The following GAS6 variants were observed in gnomAD, a reference collection of about 807,000 sequenced individuals.
The protein encoded by GAS6 is growth arrest specific 6, also known as growth arrest-specific protein 6.
GAS6 carries 41 observed loss-of-function variants against 75.8 expected under a neutral mutation model. The ratio of observed to expected loss-of-function variants is 0.54; its 90% CI spans 0.42 to 0.70. The LOEUF (loss-of-function observed/expected upper bound fraction) is 0.70, where lower values mean the gene tolerates loss of function less well. Ranked by LOEUF, GAS6 falls within the 30% of genes least tolerant of loss-of-function variation. GAS6 has a pLI of 0.00. For synonymous variants in GAS6, 432 were observed against 412.6 expected (o/e 1.05, Z -0.57); for missense variants, 854 against 940.2 (o/e 0.91, Z 1.20).
rs535263699 is a variant in GAS6, at chr13:113,837,990, G to A, written c.589+79C>T. The A allele has an allele frequency of 1.1e-5, 17 of 1,552,036 alleles. No individual in the cohort carries two copies. The highest frequency in any genetic ancestry group is 3.5e-4 in the Middle Eastern group (2 of 5,768). ...CACAGGAACCCAGCCAGCAGCAGCC[G>A]CTTGCAGAAGAGCAGACATGACCGA... On this transcript the variant is annotated intron_variant, in intron 6 of 14. Transcript: ENST00000327773. This position sits in a 1 kb window ranked among gnomAD's most constrained non-coding sequence, Gnocchi z 5.1.
chr13:113,835,754 G>C (rs2051695477), intron 6 of GAS6, 119 bp from the exon 7 acceptor site: 2 of 1,492,010 alleles, frequency 1.3e-6, no homozygotes, highest in African/African-American at 2.8e-5. Context: ...ACTCTGTGGG[G>C]CCAGCGCGCC....
Position 113,863,154 on chromosome 13 carries a change from C to T in GAS6, c.255+421G>A, listed in dbSNP as rs2051986495. ...TGCTGCCGCAAGCAGTTCCCGCCCT[C>T]GGCCCTTTCAATTCCTCTTTCGGGA... is the stretch of plus-strand genomic sequence containing the variant. On this transcript the variant is annotated intron_variant, in intron 2 of 14. Coordinates refer to ENST00000327773, the MANE Select transcript of GAS6 (RefSeq NM_000820.4). The surrounding 1 kb of genome is among the most constrained non-coding windows in gnomAD (Gnocchi z 9.4). Among the ~76,000 whole-genome samples the T allele has an allele frequency of 1.3e-5, 2 of 152,216 alleles. No homozygotes were observed. The highest frequency in any genetic ancestry group is 4.1e-4 in the South Asian group (2 of 4,834).
intron 2 of GAS6, among the ~76,000 whole-genome samples, chr13:113,854,963 C>G (rs1292584060): frequency 6.6e-6 from 1 of 152,222 alleles, no homozygotes; most frequent in Admixed American, 6.5e-5. Context: ...CGTGCCCACC[C>G]CAGCCCCGGT....
At chr13:113,827,572 C>T (rs982722493) in intron 11 of GAS6, among the ~76,000 whole-genome samples, 9 of 149,734 alleles carry the variant, frequency 6.0e-5, no homozygotes, top group African/African-American at 2.3e-4. Flanking sequence ...CGGCACCAGG[C>T]TGTCTGTGGG....
At chr13:113,846,708 C>A (rs923446311) in intron 3 of GAS6, 119 bp from the exon 4 acceptor site, 17 of 782,856 alleles carry the variant, frequency 2.2e-5, no homozygotes, top group Non-Finnish European at 3.5e-5. Context: ...GTGCTATCAT[C>A]CTCCAGAAAC....
At chr13:113,827,217 C>T (rs1041654942) in intron 11 of GAS6, 53 bp from the exon 12 acceptor site, 131 of 1,582,626 alleles carry the variant, frequency 8.3e-5, no homozygotes, top group Non-Finnish European at 1.0e-4. Flanking sequence ...AGCCCCATGC[C>T]GGATGCCCCA....
chr13:113,859,932 T>C (rs9577920), intron 2 of GAS6, among the ~76,000 whole-genome samples: 50,245 of 152,104 alleles, frequency 0.33, 9,677 homozygotes, highest in African/African-American at 0.51. Context: ...AAGTGGCTGT[T>C]CCCAAGTGGG....
At position 113,838,118 on chromosome 13, in the gene GAS6, A is replaced by C; in HGVS notation, c.540T>G (p.Cys180Trp). The C allele has an allele frequency of 6.2e-7, 1 of 1,612,888 alleles. No individual in the cohort carries two copies. Among genetic ancestry groups the C allele is most frequent in the Admixed American group, 1.7e-5 (1 of 60,016 alleles). ...AGAGCTCGAAGCCGCTGTGGCAGGA[A>C]CAGTGGAAGCTACCCGGCTTGTTGT... ...ICHNKPGSFH[C>W]SCHSGFELSS... Residue 180 changes from cysteine to tryptophan, a missense_variant, in exon 6 of 15, where the codon TGT becomes TGG. Coordinates refer to ENST00000327773, the MANE Select transcript of GAS6 (RefSeq NM_000820.4).
chr13:113,840,044 T>C, intron 4 of GAS6, 194 bp from the exon 5 acceptor site: 1 of 696,432 alleles, frequency 1.4e-6, no homozygotes, highest in African/African-American at 1.8e-5. Flanking sequence ...TGGCGGGCCC[T>C]GGGGCCGGCT....
At chr13:113,847,944 T>C in intron 3 of GAS6, 82 bp downstream of exon 3, 3 of 1,255,516 alleles carry the variant, frequency 2.4e-6, no homozygotes, top group Non-Finnish European at 3.5e-6. Context: ...AGTTACGTGG[T>C]GAGGAGATTC....
intron 2 of GAS6, among the ~76,000 whole-genome samples, chr13:113,855,656 G>A (rs183814724): frequency 4.6e-5 from 7 of 152,268 alleles, no homozygotes; most frequent in Admixed American, 6.5e-5. Context: ...CTTCTGCGCC[G>A]GGAGTCACGC....
At chr13:113,836,811 G>A (rs2051719942) in intron 6 of GAS6, among the ~76,000 whole-genome samples, 1 of 30,752 alleles carries the variant, frequency 3.3e-5, no homozygotes, top group South Asian at 1.0e-3. Context: ...GGAGGAAGAT[G>A]AGGAGGAGGA....
At position 113,863,038 on chromosome 13, in the gene GAS6, C is replaced by G. The variant is rs552142733; in HGVS notation, c.255+537G>C. On this transcript the variant is annotated intron_variant, in intron 2 of 14. Transcript: ENST00000327773. The surrounding 1 kb of genome is among the most constrained non-coding windows in gnomAD (Gnocchi z 9.4). ...GGGCTCCTGAAAGCACCCGCTGCCT[C>G]CAGGAGAGCACCTGGCAGAACGGGG... Among the ~76,000 whole-genome samples the G allele has an allele frequency of 3.3e-5, 5 of 152,288 alleles. No individual in the cohort carries two copies. The South Asian group carries it at 6.2e-4, about 19-fold the overall frequency.
chr13:113,855,446 T>C (rs553197727), intron 2 of GAS6, among the ~76,000 whole-genome samples: 1 of 152,260 alleles, frequency 6.6e-6, no homozygotes, highest in East Asian at 1.9e-4. Context: ...ATTGCAAAGT[T>C]CATGTGTGTT....
At chr13:113,847,138 T>G (rs1237672682) in intron 3 of GAS6, 8 of 329,360 alleles carry the variant, frequency 2.4e-5, no homozygotes, top group African/African-American at 1.8e-4. Context: ...CCTCTCGACC[T>G]GGCCCTTCAG....
chr13:113,843,381 G>A lies in GAS6; in HGVS notation c.343+3146C>T, dbSNP rs1017406880. The A allele has an allele frequency of 3.3e-5, 5 of 151,668 alleles. 1 individual carries two copies. Among genetic ancestry groups the A allele is most frequent in the African/African-American group, 1.2e-4 (5 of 40,406 alleles). 9.4% of individuals were successfully genotyped at this position (151,668 alleles called of 1,614,324 possible). A position where few individuals can be genotyped will look rare whatever the true frequency, so the allele number is the denominator to read the frequency against. On this transcript the variant is annotated intron_variant, in intron 4 of 14. Transcript: ENST00000327773. ...GTGCGGGCGGCCAGGGCCTTTCCCTGGGTGGTGACGAGCGAGGACCAGAGC... is the reference window on the plus strand; with the variant it reads ...GTGCGGGCGGCCAGGGCCTTTCCCTAGGTGGTGACGAGCGAGGACCAGAGC...
intron 6 of GAS6, 25 bp from the exon 7 acceptor site, chr13:113,835,660 A>G: frequency 6.2e-7 from 1 of 1,608,340 alleles, no homozygotes; most frequent in Non-Finnish European, 8.5e-7. Context: ...AAACCGGCCA[A>G]CCGCAGCACA....
At chr13:113,852,506 C>A (rs566554443) in intron 2 of GAS6, among the ~76,000 whole-genome samples, 4 of 152,294 alleles carry the variant, frequency 2.6e-5, no homozygotes, top group African/African-American at 9.6e-5. Context: ...TAACATGAGG[C>A]CCCAAATTTG....
intron 11 of GAS6, 133 bp from the exon 12 acceptor site, chr13:113,827,297 T>C: frequency 1.2e-6 from 1 of 800,660 alleles, no homozygotes; most frequent in Non-Finnish European, 2.0e-6. Flanking sequence ...GTCCCATCGG[T>C]GGTGGCCATT....
Sources: allele counts gnomAD v4.1 joint callset (sites outside exome capture counted in the v4.1 genomes callset), GRCh38; gene constraint gnomAD v4.1.1; non-coding constraint Gnocchi (gnomAD v3.1); transcripts MANE v1.5; gene names NCBI Gene and HGNC (gene_info 2026-07-23, HGNC 2026-07-21).